The following ZNF487 variants were observed in gnomAD, a reference collection of about 807,000 sequenced individuals.
ZNF487 encodes zinc finger protein 487.
Under a neutral mutation model 3.0 loss-of-function variants are expected in ZNF487, and 4 were observed. That is an observed-to-expected ratio of 1.35 (90% CI 0.66 to 3.08). The LOEUF is 3.08. ZNF487 is among the 30% of genes most tolerant of loss of function. The pLI is 0.01. For missense variants in ZNF487, 146 were observed against 98.7 expected (o/e 1.48, Z -2.03); for synonymous variants, 55 against 34.6 (o/e 1.59, Z -2.06).
chr10:43,439,712 A>G (rs775281430), intron 1 of ZNF487, among the ~76,000 whole-genome samples: 4 of 150,772 alleles, frequency 2.7e-5, no homozygotes, highest in Non-Finnish European at 5.9e-5. Flanking sequence ...TCAAAAATAA[A>G]TAAATAAGTG....
intron 1 of ZNF487, among the ~76,000 whole-genome samples, chr10:43,469,487 C>CT (rs1368485462): frequency 3.3e-5 from 5 of 152,142 alleles, no homozygotes; most frequent in African/African-American, 1.2e-4. Flanking sequence ...GCCACCGCGC[C>CT]TGGCCATCAT....
At chr10:43,493,204 G>A in the ZNF487 span, among the ~76,000 whole-genome samples, 1 of 152,034 alleles carries the variant, frequency 6.6e-6, no homozygotes, top group Non-Finnish European at 1.5e-5. Context: ...CACTCCAGCC[G>A]AGGCAACAAG....
At chr10:43,439,192 A>C (rs1273462999) in intron 1 of ZNF487, among the ~76,000 whole-genome samples, 2 of 151,980 alleles carry the variant, frequency 1.3e-5, no homozygotes, top group African/African-American at 4.8e-5. Context: ...CAGTGAGCCG[A>C]GATCACGCCA....
intron 3 of ZNF487, among the ~76,000 whole-genome samples, 200 bp from the exon 4 acceptor site, chr10:43,481,229 G>A (rs1841342047): frequency 6.6e-6 from 1 of 151,936 alleles, no homozygotes; most frequent in Non-Finnish European, 1.5e-5. Flanking sequence ...TACTCGAGAA[G>A]CTGAGGTGGG....
At chr10:43,471,324 G>A (rs1840901396) in intron 1 of ZNF487, among the ~76,000 whole-genome samples, 1 of 152,158 alleles carries the variant, frequency 6.6e-6, no homozygotes, top group Non-Finnish European at 1.5e-5. Flanking sequence ...CACTTGGATG[G>A]CGGTGCCAAG....
chr10:43,497,886 G>C, the ZNF487 span, among the ~76,000 whole-genome samples: 1 of 150,134 alleles, frequency 6.7e-6, no homozygotes, highest in Admixed American at 6.7e-5. Context: ...AGAATGGCGT[G>C]AACCCGGGAG....
At chr10:43,513,104 G>A in the ZNF487 span, among the ~76,000 whole-genome samples, 1 of 152,310 alleles carries the variant, frequency 6.6e-6, no homozygotes, top group South Asian at 2.1e-4. Flanking sequence ...TCAATGTAAT[G>A]GACCAGTGTG....
the ZNF487 span, among the ~76,000 whole-genome samples, chr10:43,510,484 T>C: frequency 1.3e-5 from 2 of 152,160 alleles, no homozygotes; most frequent in Non-Finnish European, 2.9e-5. Flanking sequence ...CATTGTGGAG[T>C]AGTAGACTGA....
intron 1 of ZNF487, among the ~76,000 whole-genome samples, chr10:43,464,475 A>G (rs568195972): frequency 3.5e-4 from 54 of 152,202 alleles, no homozygotes; most frequent in Admixed American, 7.2e-4. Flanking sequence ...GCAGATAAAC[A>G]AGTGAACAAA....
At chr10:43,498,032 CTT>C in the ZNF487 span, among the ~76,000 whole-genome samples, 1 of 132,946 alleles carries the variant, frequency 7.5e-6, no homozygotes, top group African/African-American at 2.9e-5. Flanking sequence ...AGAGACATCT[CTT>C]GTGTCACACA....
intron 3 of ZNF487, among the ~76,000 whole-genome samples, chr10:43,477,563 A>G (rs1480995541): frequency 6.6e-6 from 1 of 152,152 alleles, no homozygotes; most frequent in Non-Finnish European, 1.5e-5. Flanking sequence ...TGTAATGAGT[A>G]AATGCTAAAA....
At chr10:43,516,337 C>G in the ZNF487 span, among the ~76,000 whole-genome samples, 1 of 152,110 alleles carries the variant, frequency 6.6e-6, no homozygotes, top group Non-Finnish European at 1.5e-5. Flanking sequence ...CTAATCATAG[C>G]AAGCAGCTAA....
chr10:43,515,806 C>T, the ZNF487 span, among the ~76,000 whole-genome samples: 10 of 152,150 alleles, frequency 6.6e-5, no homozygotes, highest in East Asian at 3.9e-4. Context: ...GACGGAGTCT[C>T]GCTCGGCCGC....
At chr10:43,438,827 T>C (rs1229723814) in intron 1 of ZNF487, among the ~76,000 whole-genome samples, 1 of 152,024 alleles carries the variant, frequency 6.6e-6, no homozygotes, top group Non-Finnish European at 1.5e-5. Context: ...ATGCTGGTAA[T>C]CCCAGCACTT....
At chr10:43,469,904 C>CA (rs1840843602) in intron 1 of ZNF487, among the ~76,000 whole-genome samples, 1 of 151,462 alleles carries the variant, frequency 6.6e-6, no homozygotes, top group East Asian at 1.9e-4. Flanking sequence ...GAGCTGAGAT[C>CA]ACACCACTGC....
chr10:43,498,099 A>ATTTTTTTTTT, the ZNF487 span, among the ~76,000 whole-genome samples: 7 of 20,188 alleles, frequency 3.5e-4, no homozygotes, highest in African/African-American at 6.5e-4. Flanking sequence ...ATATATATAT[A>ATTTTTTTTTT]TTTTTTTTTT....
the ZNF487 span, among the ~76,000 whole-genome samples, chr10:43,493,957 G>T: frequency 2.0e-5 from 3 of 151,052 alleles, no homozygotes; most frequent in Non-Finnish European, 4.4e-5. Context: ...CTTGAACCTG[G>T]GAGGCAGAGG....
At chr10:43,498,713 C>T in the ZNF487 span, among the ~76,000 whole-genome samples, 4 of 151,616 alleles carry the variant, frequency 2.6e-5, no homozygotes, top group East Asian at 5.9e-4. Context: ...GAGGCCTAGG[C>T]GGGTGGATCA....
chr10:43,520,326 T>C, the ZNF487 span, among the ~76,000 whole-genome samples: 1 of 152,198 alleles, frequency 6.6e-6, no homozygotes, highest in Non-Finnish European at 1.5e-5. Flanking sequence ...TCTTTTACAT[T>C]TATTCACACA....
Sources: gnomAD v4.1 joint callset for allele counts (sites outside exome capture counted in the v4.1 genomes callset) on GRCh38, gnomAD v4.1.1 for gene constraint, MANE v1.5 for transcripts, NCBI Gene and HGNC (gene_info 2026-07-23, HGNC 2026-07-21) for gene names.